ERGIC2: variants seen among roughly 807,000 people sequenced by gnomAD.
ERGIC2 encodes the protein ERGIC and golgi 2.
A neutral mutation model predicts 52.5 loss-of-function variants in ERGIC2; 31 were observed. That is an observed-to-expected ratio of 0.59 (90% CI 0.44 to 0.80). The LOEUF (loss-of-function observed/expected upper bound fraction) is 0.80. Ranked by LOEUF, ERGIC2 falls within the 30% of genes least tolerant of loss-of-function variation. The probability of loss-of-function intolerance (pLI) is 0.00; values close to 1 mark genes in which losing one functional copy is unlikely to be tolerated. For synonymous variants in ERGIC2, 129 were observed against 140.6 expected, an observed-to-expected ratio of 0.92 and a Z score of 0.58; for missense variants, 395 against 455.2, an observed-to-expected ratio of 0.87 and a Z score of 1.20.
chr12:29,366,483 A>C (rs1940363968), intron 5 of ERGIC2, among the ~76,000 whole-genome samples: 1 of 151,950 alleles, frequency 6.6e-6, no homozygotes, highest in African/African-American at 2.4e-5. Flanking sequence ...AAATATTTTA[A>C]ATACTTAAAT....
At chr12:29,376,331 A>C (rs1940514298) in intron 1 of ERGIC2, among the ~76,000 whole-genome samples, 1 of 152,174 alleles carries the variant, frequency 6.6e-6, no homozygotes, top group African/African-American at 2.4e-5. Context: ...TTGTTGCTAT[A>C]TTCCACTAAC....
At chr12:29,365,872 C>A (rs1022743445) in intron 5 of ERGIC2, among the ~76,000 whole-genome samples, 5 of 151,682 alleles carry the variant, frequency 3.3e-5, no homozygotes, top group Non-Finnish European at 5.9e-5. Flanking sequence ...AGTGGGAAAA[C>A]GAGTCAGAAA....
In ERGIC2 at chr12:29,337,598, C is replaced by A. The variant is rs1044001788; in HGVS notation, c.*3558G>T. 4.6e-5 allele frequency: 7 copies of A among 152,102 alleles called. No homozygotes were observed. The highest frequency in any genetic ancestry group is 1.7e-4 in the African/African-American group (7 of 41,398). The allele number at this position is 152,102 out of a possible 1,614,324, so 9.4% of individuals were successfully genotyped here. On this transcript the variant is annotated 3_prime_UTR_variant, in exon 14 of 14. Transcript: ENST00000360150. ...CCATAAGGTAGTAAACAACTGGTGACCTCTCTATTTTGATTGTGTTGAAAA... is the reference window on the plus strand; with the variant it reads ...CCATAAGGTAGTAAACAACTGGTGAACTCTCTATTTTGATTGTGTTGAAAA...
intron 1 of ERGIC2, among the ~76,000 whole-genome samples, chr12:29,379,110 C>T (rs1029319659): frequency 6.6e-6 from 1 of 152,062 alleles, no homozygotes; most frequent in Non-Finnish European, 1.5e-5. Flanking sequence ...AACAGAATAA[C>T]CTTAAAAGTG....
In ERGIC2 at chr12:29,356,460, T is replaced by G. The variant is rs371361855; in HGVS notation, c.494A>C (p.Gln165Pro). ...ALPPREDDSS[Q>P]SPNACRIHGH... The stretch of plus-strand genomic sequence containing the variant: ...ATGAATTCTGCATGCATTTGGAGAC[T>G]GTGATGAATCATCTTCTCTGTTAAA... The change falls in exon 8 of 14, where the codon CAG becomes CCG. Residue 165 changes from glutamine (Q) to proline (P), a missense_variant. Physicochemically the swap from Gln to Pro is moderately conservative, Grantham distance 76. Coordinates refer to ENST00000360150, the MANE Select transcript of ERGIC2 (RefSeq NM_016570.3). The G allele has an allele frequency of 5.7e-6, 9 of 1,585,394 alleles. No homozygotes were observed. The African/African-American group carries it at 6.7e-5, about 12-fold the overall frequency.
chr12:29,366,033 T>C (rs542917909), intron 5 of ERGIC2, among the ~76,000 whole-genome samples: 1 of 152,116 alleles, frequency 6.6e-6, no homozygotes, highest in South Asian at 2.1e-4. Flanking sequence ...TTTCTTTCCT[T>C]TAACCCCATA....
At chr12:29,348,592 A>G (rs1479041312) in intron 10 of ERGIC2, among the ~76,000 whole-genome samples, 3 of 152,012 alleles carry the variant, frequency 2.0e-5, no homozygotes, top group Admixed American at 2.0e-4. Context: ...TACTCCTTCT[A>G]TGTTAATAAC....
At chr12:29,349,209 G>A in intron 9 of ERGIC2, 32 bp from the exon 10 acceptor site, 2 of 1,067,168 alleles carry the variant, frequency 1.9e-6, no homozygotes, top group East Asian at 2.5e-5. Context: ...CAACTTAGCA[G>A]AGAAATTATA....
intron 6 of ERGIC2, among the ~76,000 whole-genome samples, chr12:29,359,642 T>C (rs1940256170): frequency 6.6e-6 from 1 of 152,094 alleles, no homozygotes; most frequent in Admixed American, 6.6e-5. Context: ...TGGATGGCTT[T>C]CTACTAAAAA....
chr12:29,380,734 G>C (rs891656915), intron 1 of ERGIC2: 1 of 152,372 alleles, frequency 6.6e-6, no homozygotes, highest in Non-Finnish European at 1.5e-5. Context: ...TCTGACATCC[G>C]GGAGGACTGG....
intron 6 of ERGIC2, among the ~76,000 whole-genome samples, chr12:29,358,865 G>A (rs888066222): frequency 2.0e-5 from 3 of 151,938 alleles, no homozygotes; most frequent in Non-Finnish European, 4.4e-5. Context: ...AGTATAACAG[G>A]CCTATGTAAA....
chr12:29,376,172 A>G (rs958793696), intron 1 of ERGIC2, among the ~76,000 whole-genome samples: 1 of 152,196 alleles, frequency 6.6e-6, no homozygotes, highest in Admixed American at 6.5e-5. Context: ...AAATGACTCT[A>G]TGAAGCAGCA....
intron 6 of ERGIC2, among the ~76,000 whole-genome samples, chr12:29,359,874 A>T (rs1253164396): frequency 1.3e-5 from 2 of 152,046 alleles, no homozygotes; most frequent in African/African-American, 2.4e-5. Context: ...GGGGTGGGAG[A>T]CGGAAGCACT....
chr12:29,373,919 C>T (rs1940478714), intron 1 of ERGIC2, among the ~76,000 whole-genome samples: 1 of 152,172 alleles, frequency 6.6e-6, no homozygotes, highest in Non-Finnish European at 1.5e-5. Flanking sequence ...CTCTGATAAT[C>T]AAATTTATTT....
chr12:29,343,223 A>G lies in ERGIC2; in HGVS notation c.885T>C (p.Tyr295=), dbSNP rs769105511. 3 of 1,610,606 alleles carry G rather than the reference A, an allele frequency of 1.9e-6. No homozygotes were observed. The highest frequency in any genetic ancestry group is 1.3e-5 in the African/African-American group (1 of 74,848). Residue 295 remains tyrosine (Y), a synonymous_variant, in exon 12 of 14, where the codon TAT becomes TAC. Transcript: ENST00000360150. ...SHGVSGIFMK[Y]DLSSLMVTVT... is the part of the protein sequence containing the mutation. ...CTGTCACCATAAGAGAACTGAGATC[A>G]TATTTCATAAATATCCCAGAGACTC...
At chr12:29,375,732 C>T (rs1270948315) in intron 1 of ERGIC2, among the ~76,000 whole-genome samples, 1 of 152,154 alleles carries the variant, frequency 6.6e-6, no homozygotes, top group Admixed American at 6.6e-5. Flanking sequence ...CCTTGAAAGT[C>T]TAGCTGGAAT....
intron 6 of ERGIC2, among the ~76,000 whole-genome samples, chr12:29,359,749 A>G (rs1460278763): frequency 6.6e-6 from 1 of 151,970 alleles, no homozygotes; most frequent in African/African-American, 2.4e-5. Flanking sequence ...CTTGGAATAT[A>G]CTTAGGGACT....
chr12:29,340,650 C>A lies in ERGIC2; in HGVS notation c.*506G>T. 1.1e-5 allele frequency: 3 copies of A among 271,446 alleles called. No individual in the cohort carries two copies. The highest frequency in any genetic ancestry group is 3.6e-5 in the South Asian group (1 of 27,932). The allele number at this position is 271,446 out of a possible 1,614,324, so 16.8% of individuals were successfully genotyped here. ...ATATGGCTATAACATAGGGACTAGC[C>A]CGTTTTTTTTTTTTATTAACAATGT... On this transcript the variant is annotated 3_prime_UTR_variant, in exon 14 of 14. Coordinates refer to ENST00000360150, the MANE Select transcript of ERGIC2 (RefSeq NM_016570.3).
At chr12:29,354,193 C>T (rs144294921) in intron 8 of ERGIC2, among the ~76,000 whole-genome samples, 19 of 152,294 alleles carry the variant, frequency 1.2e-4, no homozygotes, top group African/African-American at 4.6e-4. Flanking sequence ...TTATAATAAT[C>T]TGAGTCTAGA....
Sources: allele counts gnomAD v4.1 joint callset (sites outside exome capture counted in the v4.1 genomes callset), GRCh38; gene constraint gnomAD v4.1.1; transcripts MANE v1.5; gene names NCBI Gene and HGNC (gene_info 2026-07-23, HGNC 2026-07-21).